The following KCNH1 variants were observed in gnomAD, a reference collection of about 807,000 sequenced individuals.
KCNH1 encodes the protein voltage-gated delayed rectifier potassium channel KCNH1.
In KCNH1, 27 loss-of-function variants were observed where a neutral mutation model predicts 69.2. That is an observed-to-expected ratio of 0.39 (90% CI 0.29 to 0.54). The LOEUF (loss-of-function observed/expected upper bound fraction) is 0.54. Among genes scored for constraint, KCNH1 ranks in the 20% least tolerant of loss-of-function variants. The pLI, the probability that KCNH1 is intolerant of heterozygous loss-of-function variation, is 0.68. For synonymous variants in KCNH1, 456 were observed against 487.7 expected, an observed-to-expected ratio of 0.93 and a Z score of 0.86; for missense variants, 798 against 1,261.6, an observed-to-expected ratio of 0.63 and a Z score of 5.57.
intron 7 of KCNH1, 29 bp from the exon 8 acceptor site, chr1:210,804,195 G>T: frequency 6.4e-7 from 1 of 1,568,668 alleles, no homozygotes; most frequent in Non-Finnish European, 8.7e-7. Context: ...AGCAAAAGAA[G>T]AAATAACAAG....
At chr1:210,751,730 A>G (rs934418922) in intron 10 of KCNH1, among the ~76,000 whole-genome samples, 1 of 152,158 alleles carries the variant, frequency 6.6e-6, no homozygotes, top group Non-Finnish European at 1.5e-5. Context: ...GTGGAAATTT[A>G]GCTGTGGTTC....
At chr1:210,861,522 G>A (rs998075350) in intron 7 of KCNH1, 1 of 773,008 alleles carries the variant, frequency 1.3e-6, no homozygotes, top group African/African-American at 1.7e-5. Flanking sequence ...GATAACTCAG[G>A]TCGGTCATCT....
chr1:210,714,740 C>T (rs1682178909), intron 10 of KCNH1, among the ~76,000 whole-genome samples: 1 of 152,124 alleles, frequency 6.6e-6, no homozygotes, highest in Admixed American at 6.5e-5. Flanking sequence ...ATCATTTTTG[C>T]CTTTATCTTT....
At chr1:210,755,666 T>C (rs1285813025) in intron 10 of KCNH1, among the ~76,000 whole-genome samples, 2 of 151,848 alleles carry the variant, frequency 1.3e-5, no homozygotes, top group Non-Finnish European at 1.5e-5. Flanking sequence ...CTCTTTTCCA[T>C]AAATATTTCT....
In KCNH1 at chr1:210,744,198, G is replaced by C. The variant is rs1683097007; in HGVS notation, c.2112+31150C>G. 2.0e-5 allele frequency among the ~76,000 whole-genome samples: 3 copies of C among 152,326 alleles called. No individual in the cohort carries two copies. In the South Asian group the frequency reaches 6.2e-4, roughly 32 times the overall value. On this transcript the variant is annotated intron_variant, in intron 10 of 10. Transcript: ENST00000271751. ...GCCCAAGCCCCAGCACCCCTGATGA[G>C]ATAATGAGGAACCCATGTCTATCTT...
At chr1:210,838,913 A>G (rs1013707768) in intron 7 of KCNH1, among the ~76,000 whole-genome samples, 2 of 152,178 alleles carry the variant, frequency 1.3e-5, no homozygotes, top group African/African-American at 4.8e-5. Context: ...ACAACAACAG[A>G]TGCTGGCAGG....
chr1:210,851,858 C>T (rs567799397), intron 7 of KCNH1, among the ~76,000 whole-genome samples: 7 of 152,248 alleles, frequency 4.6e-5, no homozygotes, highest in African/African-American at 7.2e-5. Flanking sequence ...ATCCTTTACG[C>T]GGTTTGTTGT....
chr1:210,995,327 G>T (rs1501549), intron 6 of KCNH1, among the ~76,000 whole-genome samples: 36,138 of 152,096 alleles, frequency 0.24, 5,881 homozygotes, highest in African/African-American at 0.45. Flanking sequence ...CTGCATGAAA[G>T]AATGAGAGAA....
At chr1:210,846,010 T>C (rs1471167513) in intron 7 of KCNH1, among the ~76,000 whole-genome samples, 1 of 152,104 alleles carries the variant, frequency 6.6e-6, no homozygotes, top group Non-Finnish European at 1.5e-5. Flanking sequence ...TACCTGGGAA[T>C]CCAACTTACA....
At chr1:210,795,209 G>C (rs1189958668) in intron 9 of KCNH1, among the ~76,000 whole-genome samples, 1 of 152,142 alleles carries the variant, frequency 6.6e-6, no homozygotes, top group Non-Finnish European at 1.5e-5. Flanking sequence ...TCAGGCTAGA[G>C]TGCAGTGATG....
intron 7 of KCNH1, among the ~76,000 whole-genome samples, chr1:210,916,324 G>A (rs1687332470): frequency 6.6e-6 from 1 of 152,208 alleles, no homozygotes; most frequent in Non-Finnish European, 1.5e-5. Flanking sequence ...TTTGGCAGAT[G>A]TGTATCACAT....
intron 6 of KCNH1, among the ~76,000 whole-genome samples, chr1:210,975,569 C>G (rs1688592321): frequency 6.6e-6 from 1 of 152,192 alleles, no homozygotes; most frequent in Non-Finnish European, 1.5e-5. Context: ...GAAACTGGAT[C>G]CCTTCCTTAC....
chr1:211,081,787 G>A (rs868072720), intron 5 of KCNH1, among the ~76,000 whole-genome samples: 5 of 152,072 alleles, frequency 3.3e-5, no homozygotes, highest in African/African-American at 1.2e-4. Flanking sequence ...TTGGACACAG[G>A]GCAGGTAACA....
intron 10 of KCNH1, among the ~76,000 whole-genome samples, chr1:210,713,793 G>A (rs962280960): frequency 3.9e-5 from 6 of 152,144 alleles, no homozygotes; most frequent in Admixed American, 6.5e-5. Flanking sequence ...GTCTGCTCAT[G>A]TTGTATTAAA....
chr1:211,109,736 A>C (rs1331484422), intron 1 of KCNH1, among the ~76,000 whole-genome samples: 2 of 150,234 alleles, frequency 1.3e-5, no homozygotes, highest in Non-Finnish European at 2.9e-5. Context: ...AAATCCACAA[A>C]AATGAAAATT....
At chr1:210,785,006 G>C (rs1476288217) in intron 9 of KCNH1, among the ~76,000 whole-genome samples, 4 of 152,166 alleles carry the variant, frequency 2.6e-5, no homozygotes, top group African/African-American at 9.7e-5. Flanking sequence ...CAGAATTCCA[G>C]TGATTCAGGG....
At chr1:211,057,748 G>A (rs1244589762) in intron 5 of KCNH1, among the ~76,000 whole-genome samples, 2 of 151,894 alleles carry the variant, frequency 1.3e-5, no homozygotes, top group Non-Finnish European at 2.9e-5. Context: ...AGTCTCAAAA[G>A]TTATTGGCCT....
intron 7 of KCNH1, among the ~76,000 whole-genome samples, chr1:210,901,868 G>T (rs147086121): frequency 6.6e-6 from 1 of 152,182 alleles, no homozygotes. Context: ...GAGCTTCTTG[G>T]GGTAGGGACA....
chr1:210,733,224 A>G (rs1682788072), intron 10 of KCNH1, among the ~76,000 whole-genome samples: 2 of 152,180 alleles, frequency 1.3e-5, no homozygotes, highest in South Asian at 4.1e-4. Flanking sequence ...TGTTGGGTAG[A>G]TATTTTCTGA....
Sources: gnomAD v4.1 joint callset for allele counts (sites outside exome capture counted in the v4.1 genomes callset) on GRCh38, gnomAD v4.1.1 for gene constraint, MANE v1.5 for transcripts, NCBI Gene and HGNC (gene_info 2026-07-23, HGNC 2026-07-21) for gene names.